The following NAALADL2 variants were observed in gnomAD, a reference collection of about 807,000 sequenced individuals.
NAALADL2 encodes N-acetylated alpha-linked acidic dipeptidase like 2.
NAALADL2 carries 76 observed loss-of-function variants against 87.2 expected under a neutral mutation model. That is an observed-to-expected ratio of 0.87 (90% CI 0.72 to 1.05). The LOEUF is 1.05. Ranked by LOEUF, NAALADL2 falls within the 50% of genes least tolerant of loss-of-function variation. NAALADL2 has a pLI of 0.00. For missense variants in NAALADL2, 1,089 were observed against 945.8 expected, an observed-to-expected ratio of 1.15 and a Z score of -1.99; for synonymous variants, 354 against 331.0, an observed-to-expected ratio of 1.07 and a Z score of -0.75.
intron 5 of NAALADL2, among the ~76,000 whole-genome samples, chr3:175,347,984 T>C (rs114301383): frequency 0.03 from 4,524 of 152,078 alleles, 96 homozygotes; most frequent in Non-Finnish European, 0.044. Context: ...GAACATGCAG[T>C]GTTTGGTTTA....
intron 9 of NAALADL2, among the ~76,000 whole-genome samples, chr3:175,543,785 T>G (rs1324184789): frequency 2.6e-5 from 4 of 152,152 alleles, no homozygotes; most frequent in Non-Finnish European, 5.9e-5. Flanking sequence ...AGCCAAACCA[T>G]ATCACCAGAT....
At chr3:175,543,955 T>G (rs1192548308) in intron 9 of NAALADL2, among the ~76,000 whole-genome samples, 1 of 152,186 alleles carries the variant, frequency 6.6e-6, no homozygotes, top group Non-Finnish European at 1.5e-5. Context: ...CAGGGAGTTC[T>G]CTGAATATCT....
chr3:174,649,179 G>A (rs919554708), intron 2 of NAALADL2, among the ~76,000 whole-genome samples: 2 of 151,790 alleles, frequency 1.3e-5, no homozygotes, highest in East Asian at 3.9e-4. Flanking sequence ...GGCCAGGCTG[G>A]TCTTGAACTC....
intron 2 of NAALADL2, among the ~76,000 whole-genome samples, chr3:175,138,173 A>G (rs974562193): frequency 1.3e-5 from 2 of 152,210 alleles, no homozygotes; most frequent in African/African-American, 4.8e-5. Context: ...CCAAGAGAAG[A>G]CTGAGGTTCA....
intron 2 of NAALADL2, among the ~76,000 whole-genome samples, chr3:175,219,947 T>C (rs1743105372): frequency 6.6e-6 from 1 of 151,072 alleles, no homozygotes; most frequent in Non-Finnish European, 1.5e-5. Context: ...TTTCTTAAAA[T>C]TTTAATTTTC....
intron 11 of NAALADL2, among the ~76,000 whole-genome samples, chr3:175,735,335 T>C (rs532189463): frequency 1.3e-5 from 2 of 152,356 alleles, no homozygotes; most frequent in East Asian, 3.9e-4. Flanking sequence ...CACATTTCCC[T>C]GTCTTTTTCT....
At chr3:175,569,613 T>C (rs933143719) in intron 9 of NAALADL2, among the ~76,000 whole-genome samples, 1 of 152,040 alleles carries the variant, frequency 6.6e-6, no homozygotes, top group Non-Finnish European at 1.5e-5. Context: ...GAGAGGTAGA[T>C]ACAAGATCTC....
chr3:175,690,754 ATAAT>A (rs1208411498), intron 11 of NAALADL2, among the ~76,000 whole-genome samples: 13 of 150,652 alleles, frequency 8.6e-5, no homozygotes, highest in African/African-American at 3.2e-4. Context: ...ATGATACATG[ATAAT>A]TAATTACATT....
At chr3:174,597,774 A>G (rs1231956841) in intron 2 of NAALADL2, among the ~76,000 whole-genome samples, 1 of 152,152 alleles carries the variant, frequency 6.6e-6, no homozygotes. Context: ...TGAATTTTTA[A>G]TGTGAGCTAT....
chr3:174,640,839 G>A (rs1018252703), intron 2 of NAALADL2, among the ~76,000 whole-genome samples: 15 of 152,172 alleles, frequency 9.9e-5, no homozygotes, highest in Admixed American at 4.6e-4. Flanking sequence ...ATAGGAGAGG[G>A]CACTCCATTG....
chr3:174,629,022 G>A (rs558992708), intron 2 of NAALADL2, among the ~76,000 whole-genome samples: 1 of 152,298 alleles, frequency 6.6e-6, no homozygotes, highest in African/African-American at 2.4e-5. Flanking sequence ...TTAAACTTGT[G>A]TTTAGTCCTG....
intron 1 of NAALADL2, among the ~76,000 whole-genome samples, chr3:174,892,909 G>A (rs1731031951): frequency 1.6e-5 from 2 of 126,074 alleles, no homozygotes; most frequent in Non-Finnish European, 3.2e-5. Flanking sequence ...GCTAGAGAGT[G>A]AGACTCCAAC....
rs1170338829 is a variant in NAALADL2, at chr3:175,130,129, T to G, written c.545+32838T>G. 5.9e-5 allele frequency among the ~76,000 whole-genome samples: 9 copies of G among 152,326 alleles called. No individual in the cohort carries two copies. In the East Asian group the frequency reaches 1.7e-3, roughly 29 times the overall value. On this transcript the variant is annotated intron_variant, in intron 2 of 13. Coordinates refer to ENST00000454872, the MANE Select transcript of NAALADL2 (RefSeq NM_207015.3). The stretch of plus-strand genomic sequence containing the variant: ...TTTTTTGGAGAAATGTCTATTAAGG[T>G]TTCTTCCCCATTTTTAAAATCACAT...
At chr3:175,281,466 A>T (rs1466463999) in intron 4 of NAALADL2, among the ~76,000 whole-genome samples, 1 of 151,916 alleles carries the variant, frequency 6.6e-6, no homozygotes, top group Non-Finnish European at 1.5e-5. Context: ...TTATCACTTT[A>T]TCCAAATTTA....
intron 1 of NAALADL2, among the ~76,000 whole-genome samples, chr3:174,953,297 T>TCCTCTCCCCACCCCCCCCCCCC (rs1740651836): frequency 1.7e-5 from 1 of 59,318 alleles, no homozygotes; most frequent in Non-Finnish European, 2.9e-5. Flanking sequence ...CTTTCTTGCC[T>TCCTCTCCCCACCCCCCCCCCCC]CCCCTCCCCT....
At chr3:174,521,381 C>T (rs1177328213) in intron 1 of NAALADL2, among the ~76,000 whole-genome samples, 1 of 152,004 alleles carries the variant, frequency 6.6e-6, no homozygotes, top group South Asian at 2.1e-4. Flanking sequence ...GCCTGGCCAA[C>T]ATGGTGAAAC....
chr3:175,162,003 A>T (rs1444729318), intron 2 of NAALADL2, among the ~76,000 whole-genome samples: 1 of 152,166 alleles, frequency 6.6e-6, no homozygotes, highest in African/African-American at 2.4e-5. Flanking sequence ...CTTCTGTTTT[A>T]TCACAGTTAG....
At chr3:174,724,510 A>G (rs1560174081) in intron 2 of NAALADL2, among the ~76,000 whole-genome samples, 1 of 152,276 alleles carries the variant, frequency 6.6e-6, no homozygotes, top group East Asian at 1.9e-4. Context: ...TATTTTAGGA[A>G]TAGGGAAATA....
intron 5 of NAALADL2, among the ~76,000 whole-genome samples, chr3:175,354,623 A>T (rs540200117): frequency 9.2e-5 from 14 of 152,064 alleles, no homozygotes; most frequent in African/African-American, 3.4e-4. Flanking sequence ...TTAGATTTGA[A>T]TTATTTAAAC....
Sources: gnomAD v4.1 joint callset for allele counts (sites outside exome capture counted in the v4.1 genomes callset) on GRCh38, gnomAD v4.1.1 for gene constraint, MANE v1.5 for transcripts, NCBI Gene and HGNC (gene_info 2026-07-23, HGNC 2026-07-21) for gene names.